The following DDX21 variants were observed in gnomAD, a reference collection of about 807,000 sequenced individuals.
DDX21 encodes the protein nucleolar RNA helicase 2.
In DDX21, 18 loss-of-function variants were observed where a neutral mutation model predicts 90.0. That is an observed-to-expected ratio of 0.20 (90% CI 0.14 to 0.30). The LOEUF is 0.30. Among genes scored for constraint, DDX21 ranks in the 10% least tolerant of loss-of-function variants. The pLI is 1.00. For synonymous variants in DDX21, 294 were observed against 318.0 expected, an observed-to-expected ratio of 0.92 and a Z score of 0.80; for missense variants, 673 against 944.5, an observed-to-expected ratio of 0.71 and a Z score of 3.77.
chr10:68,971,859 T>G (rs774861803), intron 8 of DDX21, 32 bp from the exon 9 acceptor site: 2 of 1,603,472 alleles, frequency 1.2e-6, no homozygotes, highest in South Asian at 2.2e-5. Context: ...TTGTTGGAAC[T>G]GGTGTTCTTA....
chr10:68,975,300 A>G (rs968456288), intron 11 of DDX21, among the ~76,000 whole-genome samples: 5 of 152,144 alleles, frequency 3.3e-5, no homozygotes, highest in Non-Finnish European at 7.4e-5. Context: ...CAGTTTGTCA[A>G]ATGGAGGTGC....
At chr10:68,979,705 T>G (rs1368197771) in intron 13 of DDX21, among the ~76,000 whole-genome samples, 1 of 152,208 alleles carries the variant, frequency 6.6e-6, no homozygotes, top group African/African-American at 2.4e-5. Context: ...CCTAGTGAAC[T>G]AATCGGATTT....
chr10:68,969,923 G>T (rs1842998252), intron 7 of DDX21, among the ~76,000 whole-genome samples: 1 of 152,150 alleles, frequency 6.6e-6, no homozygotes, highest in African/African-American at 2.4e-5. Context: ...TTCCTTTCCT[G>T]CATTTTCCTG....
At chr10:68,972,086 TG>T (rs751279220) in intron 9 of DDX21, 34 bp downstream of exon 9, 68 of 1,583,524 alleles carry the variant, frequency 4.3e-5, no homozygotes, top group Middle Eastern at 3.4e-4. Context: ...TATTTTGTTT[TG>T]TTTTTTTTGG....
intron 9 of DDX21, 121 bp from the exon 10 acceptor site, chr10:68,973,424 T>G: frequency 8.8e-6 from 11 of 1,252,160 alleles, no homozygotes; most frequent in Non-Finnish European, 1.2e-5. Context: ...CTAAGGGACC[T>G]TCTCCCTCAT....
At chr10:68,965,654 G>T (rs1474837376) in intron 5 of DDX21, among the ~76,000 whole-genome samples, 160 bp downstream of exon 5, 1 of 152,200 alleles carries the variant, frequency 6.6e-6, no homozygotes, top group Non-Finnish European at 1.5e-5. Context: ...ACATGGTCCT[G>T]CTTGATGATA....
At chr10:68,978,583 A>G (rs1200539584) in intron 12 of DDX21, among the ~76,000 whole-genome samples, 1 of 152,174 alleles carries the variant, frequency 6.6e-6, no homozygotes, top group East Asian at 1.9e-4. Flanking sequence ...TCCTTTGTAT[A>G]CTCTGCTCAG....
chr10:68,962,582 C>G (rs1031105886), intron 3 of DDX21, among the ~76,000 whole-genome samples: 1 of 151,988 alleles, frequency 6.6e-6, no homozygotes, highest in Non-Finnish European at 1.5e-5. Context: ...CACCACTGCA[C>G]GCCAGCCTGG....
Position 68,983,828 on chromosome 10 carries a change from G to A in DDX21, c.*1016G>A, listed in dbSNP as rs1347147223. On this transcript the variant is annotated 3_prime_UTR_variant, in exon 15 of 15. Coordinates refer to ENST00000354185, the MANE Select transcript of DDX21 (RefSeq NM_004728.4). ...GATGATAAAGCATTGTTTTAATGGT[G>A]AAAACTTCACAGATCACTAATGTTT... The A allele has an allele frequency of 1.3e-5, 2 of 152,050 alleles. No individual in the cohort carries two copies. Among genetic ancestry groups the A allele is most frequent in the East Asian group, 3.9e-4 (2 of 5,188 alleles). 9.4% of individuals were successfully genotyped at this position (152,050 alleles called of 1,614,324 possible). A position where few individuals can be genotyped will look rare whatever the true frequency, so the allele number is the denominator to read the frequency against.
At chr10:68,974,824 T>C in intron 11 of DDX21, 81 bp downstream of exon 11, 1 of 1,297,340 alleles carries the variant, frequency 7.7e-7, no homozygotes, top group Non-Finnish European at 1.1e-6. Context: ...AAGATTTGAC[T>C]TAAAAAAATT....
chr10:68,969,325 G>T (rs895918253), intron 7 of DDX21, among the ~76,000 whole-genome samples: 1 of 152,064 alleles, frequency 6.6e-6, no homozygotes, highest in African/African-American at 2.4e-5. Context: ...CTGTCACCAG[G>T]CTGGAGTGCA....
At chr10:68,981,443 T>G (rs1843189379) in intron 13 of DDX21, 94 bp from the exon 14 acceptor site, 1 of 1,197,556 alleles carries the variant, frequency 8.4e-7, no homozygotes, top group East Asian at 2.3e-5. Context: ...TTTATGTTTT[T>G]TGTTTTCTTT....
chr10:68,971,765 C>A, intron 8 of DDX21, 126 bp from the exon 9 acceptor site: 1 of 848,494 alleles, frequency 1.2e-6, no homozygotes, highest in Non-Finnish European at 1.8e-6. Flanking sequence ...CACATTTTCC[C>A]CTTTGTAATG....
At position 68,978,872 on chromosome 10, in the gene DDX21, A is replaced by G. The variant is rs201054642; in HGVS notation, c.1933A>G (p.Ile645Val). 70 of 1,614,032 alleles carry G rather than the reference A, an allele frequency of 4.3e-5. No homozygotes were observed. The highest frequency in any genetic ancestry group is 6.7e-5 in the African/African-American group (5 of 74,936). ...TGTGACCATGATCTTGCAGTGCTCA[A>G]TTGAAATGCCAAATATTAGTTATGC... ...GFVTMILQCS[I>V]EMPNISYAWK... The change falls in exon 13 of 15, where the codon ATT (isoleucine) becomes GTT (valine). Residue 645 changes from isoleucine to valine, a missense_variant. This residue lies in a region of DDX21 where 225 missense variants were observed against 298.8 expected (regional missense o/e 0.75). Transcript: ENST00000354185.
At chr10:68,981,802 G>GAT (rs988309213) in intron 14 of DDX21, among the ~76,000 whole-genome samples, 68 of 152,012 alleles carry the variant, frequency 4.5e-4, no homozygotes, top group African/African-American at 1.6e-3. Context: ...AGTTGTGAAC[G>GAT]ATATCCAGCT....
intron 1 of DDX21, among the ~76,000 whole-genome samples, chr10:68,958,235 A>G (rs891728732): frequency 6.6e-5 from 10 of 151,814 alleles, no homozygotes; most frequent in Non-Finnish European, 1.0e-4. Context: ...CGGCCTCCCA[A>G]AGTGCTGGGA....
intron 6 of DDX21, 119 bp downstream of exon 6, chr10:68,967,322 C>A: frequency 1.1e-6 from 1 of 942,028 alleles, no homozygotes; most frequent in Non-Finnish European, 1.5e-6. Flanking sequence ...TACAGGCACC[C>A]ACCACCACGC....
intron 2 of DDX21, among the ~76,000 whole-genome samples, chr10:68,961,510 A>G (rs1313664660): frequency 6.6e-6 from 1 of 152,206 alleles, no homozygotes; most frequent in African/African-American, 2.4e-5. Context: ...TTAGGATTGT[A>G]CTGTGCAATC....
chr10:68,963,868 A>C (rs1352645578), intron 4 of DDX21, among the ~76,000 whole-genome samples: 1 of 152,058 alleles, frequency 6.6e-6, no homozygotes, highest in African/African-American at 2.4e-5. Flanking sequence ...TGGGAGCCCG[A>C]GGTGGGCGGA....
Sources: allele counts gnomAD v4.1 joint callset (sites outside exome capture counted in the v4.1 genomes callset), GRCh38; gene constraint gnomAD v4.1.1; regional missense constraint gnomAD v4.1.1; transcripts MANE v1.5; gene names NCBI Gene and HGNC (gene_info 2026-07-23, HGNC 2026-07-21).